CCDC30: variants seen among roughly 807,000 people sequenced by gnomAD.
CCDC30 encodes coiled-coil domain containing 30.
A neutral mutation model predicts 100.2 loss-of-function variants in CCDC30; 70 were observed. The observed-to-expected ratio is 0.70, with a 90% CI of 0.58 to 0.85. CCDC30 has a LOEUF of 0.85. Ranked by LOEUF, CCDC30 falls within the 40% of genes least tolerant of loss-of-function variation. CCDC30 has a pLI of 0.00. For missense variants in CCDC30, 652 were observed against 771.2 expected, an observed-to-expected ratio of 0.85 and a Z score of 1.83; for synonymous variants, 233 against 269.5, an observed-to-expected ratio of 0.86 and a Z score of 1.33.
At chr1:42,509,454 C>G (rs984864722) in intron 6 of CCDC30, among the ~76,000 whole-genome samples, 1 of 152,072 alleles carries the variant, frequency 6.6e-6, no homozygotes, top group African/African-American at 2.4e-5. Context: ...CCACCCAGAT[C>G]GATAAAATGG....
In CCDC30 at chr1:42,599,680, A is replaced by G. The variant is rs114106026; in HGVS notation, c.1164+10197A>G. ...CTACAAGAAGCCCACTTTAAATATAAAGACACATGTAAATTAAAAGTAAAT... is the reference window on the plus strand; with the variant it reads ...CTACAAGAAGCCCACTTTAAATATAGAGACACATGTAAATTAAAAGTAAAT... On this transcript the variant is annotated intron_variant, in intron 10 of 16. Coordinates refer to ENST00000668663, the Ensembl canonical transcript of CCDC30. Among the ~76,000 whole-genome samples the G allele has an allele frequency of 4.6e-3, 703 of 152,338 alleles. 4 individuals are homozygous for G. The highest frequency in any genetic ancestry group is 0.017 in the Middle Eastern group (5 of 294).
chr1:42,527,990 C>T (rs1398105860), intron 6 of CCDC30, among the ~76,000 whole-genome samples: 1 of 152,060 alleles, frequency 6.6e-6, no homozygotes, highest in African/African-American at 2.4e-5. Flanking sequence ...CTCAGCCTCC[C>T]GAGTAGCTGG....
At chr1:42,615,790 G>A (rs1646716561) in intron 11 of CCDC30, among the ~76,000 whole-genome samples, 1 of 152,134 alleles carries the variant, frequency 6.6e-6, no homozygotes, top group African/African-American at 2.4e-5. Context: ...TGTACTTCCT[G>A]TCAACCTTGT....
chr1:42,522,041 A>G (rs893256065), intron 6 of CCDC30, among the ~76,000 whole-genome samples: 3 of 152,134 alleles, frequency 2.0e-5, no homozygotes, highest in East Asian at 1.9e-4. Flanking sequence ...TTTATATAAA[A>G]TGGTGTAGGT....
At chr1:42,456,926 G>T in the CCDC30 span, 1 of 1,609,080 alleles carries the variant, frequency 6.2e-7, no homozygotes, top group African/African-American at 1.3e-5. Flanking sequence ...CCTGGAGGCC[G>T]AGGAGAATGC....
intron 10 of CCDC30, among the ~76,000 whole-genome samples, chr1:42,609,923 AT>A (rs111717900): frequency 0.013 from 2,014 of 152,290 alleles, 43 homozygotes; most frequent in African/African-American, 0.046. Flanking sequence ...TAGTGCTGTA[AT>A]TCTGCAGTCC....
downstream of CCDC30, among the ~76,000 whole-genome samples, chr1:42,656,153 G>A (rs1429821795): frequency 6.6e-6 from 1 of 152,066 alleles, no homozygotes; most frequent in African/African-American, 2.4e-5. Flanking sequence ...TATAGGATGA[G>A]CCTCTATGCC....
intron 12 of CCDC30, among the ~76,000 whole-genome samples, chr1:42,641,915 A>G (rs757970392): frequency 3.9e-4 from 59 of 152,122 alleles, no homozygotes; most frequent in Non-Finnish European, 6.2e-4. Context: ...CAGGGTCATG[A>G]AAAAGAAGAA....
chr1:42,596,812 G>A lies in CCDC30; in HGVS notation c.1164+7329G>A, dbSNP rs1646298221. Among the ~76,000 whole-genome samples the A allele has an allele frequency of 6.6e-6, 1 of 152,022 alleles. No individual in the cohort carries two copies. Among genetic ancestry groups the A allele is most frequent in the Non-Finnish European group, 1.5e-5 (1 of 68,006 alleles). On this transcript the variant is annotated intron_variant, in intron 10 of 16. Coordinates refer to ENST00000668663, the Ensembl canonical transcript of CCDC30. The surrounding 1 kb of genome is among the most constrained non-coding windows in gnomAD (Gnocchi z 4.3). ...ATTAGAACCAGGCTCAGATACAGCA[G>A]GAATATTGAAATTATCAGACCAGAA... is the stretch of plus-strand genomic sequence containing the variant.
chr1:42,609,734 T>C (rs1646580679), intron 10 of CCDC30, among the ~76,000 whole-genome samples: 1 of 152,144 alleles, frequency 6.6e-6, no homozygotes, highest in Admixed American at 6.6e-5. Context: ...ACTATAGGCA[T>C]CCCCTTACAA....
rs114655484 is a variant in CCDC30, at chr1:42,467,213, G to A, written c.-92+3315G>A. 7.0e-3 allele frequency among the ~76,000 whole-genome samples: 1,072 copies of A among 152,340 alleles called. 16 individuals carry two copies. The highest frequency in any genetic ancestry group is 0.024 in the African/African-American group (1,010 of 41,586). On this transcript the variant is annotated intron_variant, in intron 1 of 16. Transcript: ENST00000668663. Reference sequence around the variant, plus strand: ...AAGCTAAAGGGTTTGAACTCTACATGAAAGCAACAAGAAGGTTAAGCAGCA... The same window carrying A: ...AAGCTAAAGGGTTTGAACTCTACATAAAAGCAACAAGAAGGTTAAGCAGCA...
chr1:42,491,420 A>T (rs1041440225), intron 4 of CCDC30, among the ~76,000 whole-genome samples: 23 of 152,092 alleles, frequency 1.5e-4, no homozygotes, highest in Non-Finnish European at 1.5e-5. Flanking sequence ...GAACTCATGG[A>T]CATAGAGAGC....
intron 14 of CCDC30, 39 bp downstream of exon 18, chr1:42,644,846 G>A (rs1359813783): frequency 7.6e-7 from 1 of 1,310,314 alleles, no homozygotes; most frequent in South Asian, 1.2e-5. Flanking sequence ...CCTTTAATGT[G>A]AAGTTCGGGT....
At chr1:42,636,890 CA>C (rs1447386212) in intron 11 of CCDC30, among the ~76,000 whole-genome samples, 1 of 136,260 alleles carries the variant, frequency 7.3e-6, no homozygotes, top group African/African-American at 2.8e-5. Context: ...CGCTTGAACC[CA>C]GGAGGTGGAG....
chr1:42,620,528 C>CA (rs1646810414), intron 11 of CCDC30, among the ~76,000 whole-genome samples: 1 of 147,508 alleles, frequency 6.8e-6, no homozygotes, highest in Non-Finnish European at 1.5e-5. Flanking sequence ...CTCAAGATCT[C>CA]AAATAAATCA....
intron 6 of CCDC30, among the ~76,000 whole-genome samples, chr1:42,516,523 C>A (rs1035122172): frequency 6.7e-6 from 1 of 148,812 alleles, no homozygotes; most frequent in African/African-American, 2.5e-5. Flanking sequence ...GCTGGGATTG[C>A]GCCACTGCAC....
chr1:42,623,254 C>T (rs1646874214), intron 11 of CCDC30, among the ~76,000 whole-genome samples: 1 of 152,004 alleles, frequency 6.6e-6, no homozygotes, highest in South Asian at 2.1e-4. Context: ...TTCCATTTGT[C>T]CATTTTTGCT....
At chr1:42,493,603 C>T (rs748003738) in intron 4 of CCDC30, among the ~76,000 whole-genome samples, 2 of 151,732 alleles carry the variant, frequency 1.3e-5, no homozygotes, top group Non-Finnish European at 2.9e-5. Context: ...AAAAAAAAAT[C>T]AACAAAACTA....
At chr1:42,489,406 G>T (rs1220154889) in intron 3 of CCDC30, among the ~76,000 whole-genome samples, 1 of 152,212 alleles carries the variant, frequency 6.6e-6, no homozygotes, top group African/African-American at 2.4e-5. Flanking sequence ...AGTTTTAGGT[G>T]AATCTGGTGG....
Sources: allele counts gnomAD v4.1 joint callset (sites outside exome capture counted in the v4.1 genomes callset), GRCh38; gene constraint gnomAD v4.1.1; non-coding constraint Gnocchi (gnomAD v3.1); transcripts MANE v1.5; gene names NCBI Gene and HGNC (gene_info 2026-07-23, HGNC 2026-07-21).